MCTP1: variants seen among roughly 807,000 people sequenced by gnomAD.
MCTP1 encodes multiple C2 and transmembrane domain-containing protein 1.
Under a neutral mutation model 120.6 loss-of-function variants are expected in MCTP1, and 69 were observed. That is an observed-to-expected ratio of 0.57 (90% CI 0.47 to 0.70). MCTP1 has a LOEUF of 0.70. Ranked by LOEUF, MCTP1 falls within the 30% of genes least tolerant of loss-of-function variation. The pLI is 0.00. For synonymous variants in MCTP1, 529 were observed against 493.1 expected (o/e 1.07, Z -0.96); for missense variants, 1,203 against 1,248.8 (o/e 0.96, Z 0.55).
At chr5:95,134,422 C>G (rs1759282404) in intron 1 of MCTP1, among the ~76,000 whole-genome samples, 1 of 152,174 alleles carries the variant, frequency 6.6e-6, no homozygotes, top group Non-Finnish European at 1.5e-5. Flanking sequence ...TGGTTTAAAA[C>G]AACAATCACC....
intron 17 of MCTP1, among the ~76,000 whole-genome samples, chr5:94,818,208 T>C (rs760717991): frequency 6.6e-6 from 1 of 152,234 alleles, no homozygotes; most frequent in African/African-American, 2.4e-5. Context: ...TAAGGTCTGA[T>C]TGAATTCTTT....
chr5:95,012,514 C>G (rs1287050420), intron 2 of MCTP1, among the ~76,000 whole-genome samples: 7 of 152,102 alleles, frequency 4.6e-5, no homozygotes, highest in African/African-American at 7.2e-5. Context: ...GCAACACTAC[C>G]TTGATCAAGT....
intron 19 of MCTP1, among the ~76,000 whole-genome samples, chr5:94,720,066 C>CG (rs1760522222): frequency 6.6e-6 from 1 of 151,802 alleles, no homozygotes; most frequent in African/African-American, 2.4e-5. Flanking sequence ...GCAGAGGTTG[C>CG]GGTGAGCTGA....
At chr5:95,179,182 T>C (rs549239016) in intron 1 of MCTP1, among the ~76,000 whole-genome samples, 1 of 152,308 alleles carries the variant, frequency 6.6e-6, no homozygotes, top group African/African-American at 2.4e-5. Flanking sequence ...TGGGACTATG[T>C]TAGGCATCCA....
intron 1 of MCTP1, among the ~76,000 whole-genome samples, chr5:95,271,783 T>C (rs1284690542): frequency 2.0e-5 from 3 of 151,896 alleles, no homozygotes; most frequent in Non-Finnish European, 4.4e-5. Context: ...TATATGGCAC[T>C]CCATATATAG....
At chr5:95,176,328 T>C (rs111934136) in intron 1 of MCTP1, among the ~76,000 whole-genome samples, 2,782 of 152,038 alleles carry the variant, frequency 0.018, 80 homozygotes, top group African/African-American at 0.057. Context: ...AGTTCGAGAC[T>C]AGCCTGGCCA....
At chr5:94,876,060 A>G (rs919674804) in intron 12 of MCTP1, among the ~76,000 whole-genome samples, 1 of 152,168 alleles carries the variant, frequency 6.6e-6, no homozygotes, top group African/African-American at 2.4e-5. Context: ...ACAACATCAA[A>G]TTCTGCAAAC....
intron 1 of MCTP1, among the ~76,000 whole-genome samples, chr5:95,171,319 C>A (rs541890056): frequency 6.6e-6 from 1 of 152,266 alleles, no homozygotes; most frequent in South Asian, 2.1e-4. Flanking sequence ...GATAACCCCA[C>A]CTTTCTCTCG....
intron 1 of MCTP1, among the ~76,000 whole-genome samples, chr5:95,022,358 G>A (rs561738190): frequency 6.6e-6 from 1 of 152,112 alleles, no homozygotes; most frequent in South Asian, 2.1e-4. Flanking sequence ...TTGTATCTTC[G>A]TCCTTCACTC....
Position 94,768,536 on chromosome 5 carries a change from C to T in MCTP1, c.2610+10574G>A, listed in dbSNP as rs537372975. Among the ~76,000 whole-genome samples, 5 of 152,072 alleles carry T rather than the reference C, an allele frequency of 3.3e-5. No individual in the cohort carries two copies. The East Asian group carries it at 9.7e-4, about 29-fold the overall frequency. ...TATACAAAGAACTCAAACAACTCAA[C>T]TAAAAAAACCCAAATAATCCAATTA... On this transcript the variant is annotated intron_variant, in intron 19 of 22. Transcript: ENST00000515393.
chr5:95,187,838 T>G (rs1749391292), intron 1 of MCTP1, among the ~76,000 whole-genome samples: 1 of 152,148 alleles, frequency 6.6e-6, no homozygotes, highest in Admixed American at 6.5e-5. Flanking sequence ...CAATATTAAG[T>G]TAATAGTACA....
At chr5:94,739,250 G>A (rs1055282017) in intron 19 of MCTP1, 4 of 152,112 alleles carry the variant, frequency 2.6e-5, no homozygotes, top group African/African-American at 9.7e-5. Context: ...TTCCACCTTT[G>A]AAGAACAAAA....
At chr5:95,220,389 A>G (rs1753554038) in intron 1 of MCTP1, among the ~76,000 whole-genome samples, 1 of 151,290 alleles carries the variant, frequency 6.6e-6, no homozygotes, top group Non-Finnish European at 1.5e-5. Flanking sequence ...ACAAGCATGT[A>G]CAAACACTGA....
rs781071928 is a variant in MCTP1, at chr5:94,973,615, A to G, written c.839-20254T>C. Among the ~76,000 whole-genome samples, 21 of 152,174 alleles carry G rather than the reference A, an allele frequency of 1.4e-4. 1 individual carries two copies. The highest frequency in any genetic ancestry group is 1.3e-3 in the Admixed American group (20 of 15,264). On this transcript the variant is annotated intron_variant, in intron 2 of 22. Transcript: ENST00000515393. ...AATAAATATTTGTTGGCTTGTATGA[A>G]TGACATACATTACTGTTAATATATT...
intron 2 of MCTP1, among the ~76,000 whole-genome samples, chr5:94,974,522 C>T (rs1248173339): frequency 6.6e-6 from 1 of 152,050 alleles, no homozygotes; most frequent in Non-Finnish European, 1.5e-5. Flanking sequence ...GTACTCCAGC[C>T]TGGGCAACAG....
intron 17 of MCTP1, among the ~76,000 whole-genome samples, chr5:94,836,051 G>A (rs1159089724): frequency 1.3e-5 from 2 of 151,590 alleles, no homozygotes; most frequent in South Asian, 2.1e-4. Context: ...ATGGTGGCAC[G>A]CACCTATAGT....
chr5:95,134,575 T>C (rs140822968), intron 1 of MCTP1, among the ~76,000 whole-genome samples: 1 of 152,308 alleles, frequency 6.6e-6, no homozygotes, highest in African/African-American at 2.4e-5. Flanking sequence ...CTCCCTTATG[T>C]TGATGCTGGC....
chr5:95,138,442 G>A (rs1333684975), intron 1 of MCTP1, among the ~76,000 whole-genome samples: 1 of 152,198 alleles, frequency 6.6e-6, no homozygotes, highest in Non-Finnish European at 1.5e-5. Context: ...AGAAGAGCAA[G>A]TGTCATAATG....
At chr5:94,735,103 G>T (rs138840159) in intron 19 of MCTP1, among the ~76,000 whole-genome samples, 2 of 152,114 alleles carry the variant, frequency 1.3e-5, no homozygotes, top group African/African-American at 4.8e-5. Flanking sequence ...TTGTGTTTTT[G>T]TAATTTTGGT....
Sources: allele counts gnomAD v4.1 joint callset (sites outside exome capture counted in the v4.1 genomes callset), GRCh38; gene constraint gnomAD v4.1.1; transcripts MANE v1.5; gene names NCBI Gene and HGNC (gene_info 2026-07-23, HGNC 2026-07-21).